Variants in FUT9 observed in about 807,000 individuals in gnomAD.
FUT9 encodes the protein fucosyltransferase 9.
A neutral mutation model predicts 29.7 loss-of-function variants in FUT9; 15 were observed. The ratio of observed to expected loss-of-function variants is 0.51; its 90% CI spans 0.34 to 0.78. FUT9 has a LOEUF of 0.78. Among genes scored for constraint, FUT9 ranks in the 30% least tolerant of loss-of-function variants. The pLI is 0.01. For missense variants in FUT9, 319 were observed against 425.4 expected (o/e 0.75, Z 2.20); for synonymous variants, 169 against 153.7 (o/e 1.10, Z -0.74).
intron 2 of FUT9, among the ~76,000 whole-genome samples, chr6:96,183,566 A>T (rs1376821000): frequency 6.6e-6 from 1 of 151,924 alleles, no homozygotes; most frequent in African/African-American, 2.4e-5. Context: ...TCAGTATTAC[A>T]TTGGCTGTGG....
Position 96,194,322 on chromosome 6 carries a change from C to G in FUT9, c.-8-8826C>G, listed in dbSNP as rs1410052115. Reference sequence around the variant, plus strand: ...TCTGGGTTCTGGTAGAAGAATTTGCCTTTCTAACAGGATCCCAGATGTTGC... The same window carrying G: ...TCTGGGTTCTGGTAGAAGAATTTGCGTTTCTAACAGGATCCCAGATGTTGC... On this transcript the variant is annotated intron_variant, in intron 2 of 2. Transcript: ENST00000302103. 2.0e-5 allele frequency among the ~76,000 whole-genome samples: 3 copies of G among 152,130 alleles called. No individual in the cohort carries two copies. In the East Asian group the frequency reaches 5.8e-4, roughly 29 times the overall value.
intron 1 of FUT9, among the ~76,000 whole-genome samples, chr6:96,081,662 T>C (rs146399886): frequency 3.1e-4 from 47 of 152,006 alleles, no homozygotes; most frequent in African/African-American, 1.1e-3. Context: ...ATTGTAAGTA[T>C]GTGCGAGAGG....
intron 1 of FUT9, among the ~76,000 whole-genome samples, chr6:96,030,148 G>A (rs945927020): frequency 2.0e-5 from 3 of 151,526 alleles, no homozygotes; most frequent in Non-Finnish European, 4.4e-5. Context: ...TGACATAAAT[G>A]ATAATTATAG....
At chr6:96,176,046 C>T (rs1370312959) in intron 2 of FUT9, among the ~76,000 whole-genome samples, 2 of 152,218 alleles carry the variant, frequency 1.3e-5, no homozygotes, top group Non-Finnish European at 2.9e-5. Flanking sequence ...TTCAGCTTCT[C>T]CTGCTTTTGG....
chr6:96,021,404 A>G (rs1770066996), intron 1 of FUT9, among the ~76,000 whole-genome samples: 1 of 151,918 alleles, frequency 6.6e-6, no homozygotes, highest in African/African-American at 2.4e-5. Flanking sequence ...TTTAATGGAA[A>G]TGTAACTAAG....
rs1773809692 is a variant in FUT9 at position 96,205,375 on chromosome 6, C to A, written c.*1140C>A. On this transcript the variant is annotated 3_prime_UTR_variant, in exon 3 of 3. Coordinates refer to ENST00000302103, the MANE Select transcript of FUT9 (RefSeq NM_006581.4). ...CATTTGTTGGATGAATAAATAAATG[C>A]AATTGAATTCCCAGAAAAATGATTG... is the stretch of plus-strand genomic sequence containing the variant. The A allele has an allele frequency of 6.0e-6, 1 of 166,910 alleles. No individual in the cohort carries two copies. Among genetic ancestry groups the A allele is most frequent in the Non-Finnish European group, 1.5e-5 (1 of 68,078 alleles). The allele number at this position is 166,910 out of a possible 1,614,324, so 10.3% of individuals were successfully genotyped here. A position where few individuals can be genotyped will look rare whatever the true frequency, so the allele number is the denominator to read the frequency against.
At chr6:96,145,030 C>CTTA (rs1479836488) in intron 2 of FUT9, among the ~76,000 whole-genome samples, 3 of 151,616 alleles carry the variant, frequency 2.0e-5, no homozygotes, top group Non-Finnish European at 2.9e-5. Context: ...TCCTTTTTGT[C>CTTA]TTATTATTAT....
At chr6:96,025,236 A>G (rs772935531) in intron 1 of FUT9, among the ~76,000 whole-genome samples, 1 of 151,774 alleles carries the variant, frequency 6.6e-6, no homozygotes, top group Non-Finnish European at 1.5e-5. Context: ...ACAGTGCTGC[A>G]GGTCTGAGAC....
At chr6:96,161,176 T>G (rs2127979925) in intron 2 of FUT9, among the ~76,000 whole-genome samples, 2 of 152,310 alleles carry the variant, frequency 1.3e-5, no homozygotes, top group Middle Eastern at 3.4e-3. Flanking sequence ...ATGTCAAAAC[T>G]TAATCCCAAA....
intron 2 of FUT9, among the ~76,000 whole-genome samples, chr6:96,199,052 T>A (rs1473588355): frequency 6.6e-6 from 1 of 152,196 alleles, no homozygotes; most frequent in Non-Finnish European, 1.5e-5. Flanking sequence ...TTATTTTTTA[T>A]GGTAAAGTCT....
intron 2 of FUT9, among the ~76,000 whole-genome samples, chr6:96,147,113 A>G (rs531205227): frequency 1.7e-4 from 26 of 151,606 alleles, no homozygotes; most frequent in Non-Finnish European, 3.4e-4. Context: ...ATCCAATATC[A>G]TAGTAGCACG....
intron 2 of FUT9, among the ~76,000 whole-genome samples, chr6:96,127,390 A>G (rs1252159611): frequency 6.6e-6 from 1 of 152,204 alleles, no homozygotes; most frequent in Non-Finnish European, 1.5e-5. Context: ...TTATGGCTGC[A>G]TAGTATTCCA....
chr6:96,070,020 T>A (rs1164175685), intron 1 of FUT9, among the ~76,000 whole-genome samples: 1 of 152,192 alleles, frequency 6.6e-6, no homozygotes, highest in Non-Finnish European at 1.5e-5. Flanking sequence ...GCACAATTCA[T>A]GAATAAATTA....
At chr6:96,143,527 TTC>T (rs900203317) in intron 2 of FUT9, among the ~76,000 whole-genome samples, 2 of 151,974 alleles carry the variant, frequency 1.3e-5, no homozygotes, top group African/African-American at 2.4e-5. Context: ...TCCTCCTTCT[TTC>T]TCTCTCTCCT....
chr6:96,044,509 A>C (rs1172538679), intron 1 of FUT9, among the ~76,000 whole-genome samples: 1 of 152,238 alleles, frequency 6.6e-6, no homozygotes, highest in Non-Finnish European at 1.5e-5. Context: ...GTGCTGCTGA[A>C]TCAAATATGT....
intron 1 of FUT9, among the ~76,000 whole-genome samples, chr6:96,022,994 TCACAGG>T (rs1421637672): frequency 6.6e-6 from 1 of 151,894 alleles, no homozygotes; most frequent in Non-Finnish European, 1.5e-5. Context: ...AACTGGTAGC[TCACAGG>T]TTAATTAGGG....
chr6:96,156,575 C>T (rs1241046150), intron 2 of FUT9, among the ~76,000 whole-genome samples: 2 of 152,104 alleles, frequency 1.3e-5, no homozygotes, highest in Non-Finnish European at 2.9e-5. Flanking sequence ...GTGGCTCTGC[C>T]CCATTCCCCC....
intron 1 of FUT9, among the ~76,000 whole-genome samples, chr6:96,033,447 G>C (rs977946019): frequency 6.6e-6 from 1 of 151,544 alleles, no homozygotes; most frequent in Admixed American, 6.6e-5. Context: ...TCCACAGATA[G>C]AATAAAATTA....
chr6:96,127,653 C>T (rs979940572), intron 2 of FUT9, among the ~76,000 whole-genome samples: 2 of 152,122 alleles, frequency 1.3e-5, no homozygotes, highest in Admixed American at 1.3e-4. Context: ...TTTCCATCAG[C>T]AGTGTATAAG....
Sources: gnomAD v4.1 joint callset for allele counts (sites outside exome capture counted in the v4.1 genomes callset) on GRCh38, gnomAD v4.1.1 for gene constraint, MANE v1.5 for transcripts, NCBI Gene and HGNC (gene_info 2026-07-23, HGNC 2026-07-21) for gene names.